Variants in TCF7L2 observed in about 807,000 individuals in gnomAD.
TCF7L2 encodes transcription factor 7-like 2.
A neutral mutation model predicts 77.9 loss-of-function variants in TCF7L2; 23 were observed. The ratio of observed to expected loss-of-function variants is 0.30; its 90% confidence interval spans 0.21 to 0.42. TCF7L2 has a LOEUF of 0.42. Among genes scored for constraint, TCF7L2 ranks in the 10% least tolerant of loss-of-function variants. The probability of loss-of-function intolerance (pLI) is 1.00; values close to 1 mark genes in which losing one functional copy is unlikely to be tolerated. For missense variants in TCF7L2, 654 were observed against 793.1 expected (o/e 0.82, Z 2.11); for synonymous variants, 413 against 340.2 (o/e 1.21, Z -2.36).
At position 113,152,216 on chromosome 10, in the gene TCF7L2, G is replaced by A. The variant is rs149674316; in HGVS notation, c.1162-117G>A. On this transcript the variant is annotated intron_variant, in intron 10 of 13. Transcript: ENST00000627217. ...TGTACAGATTATACCATTTCTGGACGGACTCACCCAAAAAGGCAGCATTAT... is the reference window on the plus strand; with the variant it reads ...TGTACAGATTATACCATTTCTGGACAGACTCACCCAAAAAGGCAGCATTAT... The A allele has an allele frequency of 2.9e-3, 2,742 of 950,434 alleles. 29 individuals carry two copies. In the Middle Eastern group the frequency reaches 0.048, roughly 17 times the overall value. 58.9% of individuals were successfully genotyped at this position (950,434 alleles called of 1,614,324 possible).
chr10:112,994,973 G>C (rs1304845322), intron 4 of TCF7L2, among the ~76,000 whole-genome samples: 1 of 152,064 alleles, frequency 6.6e-6, no homozygotes, highest in Non-Finnish European at 1.5e-5. Context: ...GGTGGTGGGC[G>C]CCTGTAATCC....
At chr10:113,125,805 G>A (rs2065492842) in intron 5 of TCF7L2, 1 of 152,168 alleles carries the variant, frequency 6.6e-6, no homozygotes, top group Admixed American at 6.5e-5. Flanking sequence ...AAGAGAAAGG[G>A]AAAAAAGTTC....
chr10:113,130,410 G>A (rs1272540114), intron 5 of TCF7L2, among the ~76,000 whole-genome samples: 1 of 152,246 alleles, frequency 6.6e-6, no homozygotes, highest in Non-Finnish European at 1.5e-5. Context: ...TTGCCTCATA[G>A]AGGAGCATAC....
intron 4 of TCF7L2, 72 bp from the exon 5 acceptor site, chr10:113,039,953 C>T: frequency 1.5e-6 from 2 of 1,320,636 alleles, no homozygotes; most frequent in Non-Finnish European, 2.1e-6. Flanking sequence ...ACAGTTATTT[C>T]TTGGGCTAGT....
rs570629502 is a variant in TCF7L2 at position 112,964,812 on chromosome 10, T to G, written c.450+188T>G. On this transcript the variant is annotated intron_variant, in intron 4 of 13. Transcript: ENST00000627217. ...GTGGTGATGGTGGTGGTGGTGGTGG[T>G]GGGGGGGGGTTGAATCACTGGGGGA... 0.062 allele frequency among the ~76,000 whole-genome samples: 2,370 copies of G among 37,932 alleles called. 55 individuals carry two copies. Among genetic ancestry groups the G allele is most frequent in the East Asian group, 0.2 (145 of 736 alleles). The allele number at this position is 37,932 out of a possible 152,430, so 24.9% of individuals were successfully genotyped here. A position where few individuals can be genotyped will look rare whatever the true frequency, so the allele number is the denominator to read the frequency against.
chr10:113,024,636 T>G (rs1294983188), intron 4 of TCF7L2, among the ~76,000 whole-genome samples: 1 of 144,558 alleles, frequency 6.9e-6, no homozygotes, highest in East Asian at 1.9e-4. Flanking sequence ...TTTTTTTTTT[T>G]GAGACAGAGT....
At chr10:113,091,824 G>T (rs1460326700) in intron 5 of TCF7L2, among the ~76,000 whole-genome samples, 1 of 152,220 alleles carries the variant, frequency 6.6e-6, no homozygotes, top group Non-Finnish European at 1.5e-5. Flanking sequence ...TGGAGCTGCT[G>T]TCTGTGTGTT....
intron 5 of TCF7L2, among the ~76,000 whole-genome samples, chr10:113,130,374 C>T (rs115000023): frequency 6.4e-4 from 98 of 152,276 alleles, no homozygotes; most frequent in African/African-American, 2.2e-3. Context: ...TGGGCTCCAT[C>T]AGAAAAGAGA....
In TCF7L2 at chr10:113,165,648, C is replaced by CA; in HGVS notation, c.1485_1486insA (p.Ser496IlefsTer17). On this transcript the variant is annotated frameshift_variant, in exon 14 of 14. Coordinates refer to ENST00000627217, the MANE Select transcript of TCF7L2 (RefSeq NM_001146274.2). LOFTEE classifies it high-confidence loss of function. Reference sequence around the variant, plus strand: ...GAAGCTTACTAGATTCGCCTCCCCCCTCCCCGAACCTGCTAGGCTCCCCTC... The same window carrying CA: ...GAAGCTTACTAGATTCGCCTCCCCCCATCCCCGAACCTGCTAGGCTCCCCTC... The CA allele has an allele frequency of 6.2e-7, 1 of 1,612,272 alleles. No homozygotes were observed. Among genetic ancestry groups the CA allele is most frequent in the South Asian group, 1.1e-5 (1 of 90,808 alleles).
In TCF7L2 at chr10:112,961,262, C is replaced by CCCCG; in HGVS notation, c.382-3291_382-3290insGCCC. ...ACTCCCGACCTCAGGTGACCCCCCC[C>CCCCG]CCCCCAACCTCGGCCTTCCAAAGCG... On this transcript the variant is annotated intron_variant, in intron 3 of 13. Coordinates refer to ENST00000627217, the MANE Select transcript of TCF7L2 (RefSeq NM_001146274.2). Among the ~76,000 whole-genome samples, 16 of 130,864 alleles carry CCCCG rather than the reference C, an allele frequency of 1.2e-4. 4 individuals are homozygous for CCCCG. Among genetic ancestry groups the CCCCG allele is most frequent in the African/African-American group, 3.9e-4 (12 of 31,062 alleles). The allele number at this position is 130,864 out of a possible 152,430, so 85.9% of individuals were successfully genotyped here.
At chr10:113,099,934 T>A (rs1660352233) in intron 5 of TCF7L2, among the ~76,000 whole-genome samples, 1 of 152,008 alleles carries the variant, frequency 6.6e-6, no homozygotes, top group South Asian at 2.1e-4. Context: ...CACTTCAGGA[T>A]CAGGAAAAAG....
intron 4 of TCF7L2, among the ~76,000 whole-genome samples, chr10:113,032,884 T>C (rs1214933267): frequency 6.6e-6 from 1 of 152,226 alleles, no homozygotes; most frequent in Non-Finnish European, 1.5e-5. Flanking sequence ...TACATTGTTA[T>C]GATTAAAAAT....
intron 5 of TCF7L2, among the ~76,000 whole-genome samples, chr10:113,121,704 A>G (rs2064802650): frequency 6.6e-6 from 1 of 151,998 alleles, no homozygotes; most frequent in South Asian, 2.1e-4. Context: ...GTGGGGGGAA[A>G]TGCACACGTA....
At chr10:113,102,266 T>C (rs1004936281) in intron 5 of TCF7L2, among the ~76,000 whole-genome samples, 2 of 152,066 alleles carry the variant, frequency 1.3e-5, no homozygotes, top group African/African-American at 2.4e-5. Context: ...TGAATGACCA[T>C]GTGCAACTCA....
At chr10:113,082,381 A>G (rs188954118) in intron 5 of TCF7L2, among the ~76,000 whole-genome samples, 28 of 152,102 alleles carry the variant, frequency 1.8e-4, no homozygotes, top group Non-Finnish European at 4.0e-4. Context: ...TGTTTATGAT[A>G]CAACAATTAA....
chr10:113,060,732 G>A (rs145826761), intron 5 of TCF7L2, among the ~76,000 whole-genome samples: 4 of 152,030 alleles, frequency 2.6e-5, no homozygotes, highest in Admixed American at 1.3e-4. Context: ...AAATTGGTAC[G>A]CTGTGTGATC....
intron 7 of TCF7L2, among the ~76,000 whole-genome samples, chr10:113,145,131 T>C (rs557844708): frequency 2.0e-3 from 302 of 150,176 alleles, no homozygotes; most frequent in African/African-American, 7.2e-3. Flanking sequence ...TTTTTTTTAA[T>C]AAAAAACAGA....
chr10:113,145,995 TA>T lies in TCF7L2; in HGVS notation c.789-15del. The T allele has an allele frequency of 6.3e-7, 1 of 1,599,692 alleles. No individual in the cohort carries two copies. Among genetic ancestry groups the T allele is most frequent in the Non-Finnish European group, 8.5e-7 (1 of 1,170,062 alleles). On this transcript the variant is annotated splice_polypyrimidine_tract_variant and intron_variant, in intron 7 of 13. Transcript: ENST00000627217. ...CCCTTGTTTCAAGTCTCTTACTTTGTACCCCTTCTTTGTAGGCAAGGTCAAC... is the reference window on the plus strand; with the variant it reads ...CCCTTGTTTCAAGTCTCTTACTTTGTCCCCTTCTTTGTAGGCAAGGTCAAC...
chr10:113,071,810 A>C (rs2058051918), intron 5 of TCF7L2, among the ~76,000 whole-genome samples: 1 of 152,174 alleles, frequency 6.6e-6, no homozygotes, highest in African/African-American at 2.4e-5. Context: ...AGACACTATC[A>C]GGCAGGTCAC....
Sources: gnomAD v4.1 joint callset for allele counts (sites outside exome capture counted in the v4.1 genomes callset) on GRCh38, gnomAD v4.1.1 for gene constraint, MANE v1.5 for transcripts, NCBI Gene and HGNC (gene_info 2026-07-23, HGNC 2026-07-21) for gene names.